SMIM36: variants seen among roughly 807,000 people sequenced by gnomAD.
SMIM36 encodes the protein small integral membrane protein 36.
intron 4 of SMIM36, among the ~76,000 whole-genome samples, chr17:55,465,694 A>C (rs945143549): frequency 2.0e-5 from 3 of 152,134 alleles, no homozygotes; most frequent in African/African-American, 4.8e-5. Flanking sequence ...GACCACAGTG[A>C]ATGTTCAAGC....
chr17:55,473,688 C>T (rs4793797), intron 3 of SMIM36, among the ~76,000 whole-genome samples: 34,151 of 152,048 alleles, frequency 0.22, 4,297 homozygotes, highest in Non-Finnish European at 0.28. Flanking sequence ...TACCTCTTGC[C>T]TTTCTCAAAA....
chr17:55,517,541 C>T, the SMIM36 span, among the ~76,000 whole-genome samples: 53 of 152,246 alleles, frequency 3.5e-4, no homozygotes, highest in East Asian at 8.5e-3. Flanking sequence ...TTAGCCTGGG[C>T]GACAGAGTGA....
At chr17:55,469,960 C>T (rs1047215830) in intron 3 of SMIM36, among the ~76,000 whole-genome samples, 11 of 149,828 alleles carry the variant, frequency 7.3e-5, no homozygotes, top group African/African-American at 2.5e-4. Flanking sequence ...CCAGCCTGGG[C>T]GACTGGAGTG....
intron 4 of SMIM36, among the ~76,000 whole-genome samples, chr17:55,452,006 G>T (rs1908927801): frequency 6.6e-6 from 1 of 151,298 alleles, no homozygotes; most frequent in East Asian, 1.9e-4. Context: ...AGGCTGAGGA[G>T]GGAGGATCAC....
At chr17:55,524,192 C>T in the SMIM36 span, among the ~76,000 whole-genome samples, 3 of 152,120 alleles carry the variant, frequency 2.0e-5, no homozygotes, top group African/African-American at 7.2e-5. Context: ...TCTGTTTCTG[C>T]GTTAGTTTGC....
intron 3 of SMIM36, among the ~76,000 whole-genome samples, chr17:55,470,169 C>G (rs182191464): frequency 6.6e-6 from 1 of 152,118 alleles, no homozygotes; most frequent in Non-Finnish European, 1.5e-5. Flanking sequence ...CACTGGAAAT[C>G]GGACTGTCCA....
At chr17:55,463,044 C>G (rs1255639199) in intron 4 of SMIM36, among the ~76,000 whole-genome samples, 2 of 152,044 alleles carry the variant, frequency 1.3e-5, no homozygotes. Flanking sequence ...GGTATTTTTT[C>G]TTTTCTAATT....
intron 1 of SMIM36, among the ~76,000 whole-genome samples, chr17:55,494,469 C>T (rs58220132): frequency 0.049 from 7,467 of 152,106 alleles, 276 homozygotes; most frequent in African/African-American, 0.095. Context: ...TAGACCAAAA[C>T]CTGGGGTTAG....
At chr17:55,523,902 T>C in the SMIM36 span, among the ~76,000 whole-genome samples, 2 of 151,998 alleles carry the variant, frequency 1.3e-5, no homozygotes, top group Non-Finnish European at 2.9e-5. Flanking sequence ...CCTAAGAAAG[T>C]TTTTCTTTTT....
chr17:55,495,308 A>G (rs1909789624), intron 1 of SMIM36, among the ~76,000 whole-genome samples: 1 of 152,170 alleles, frequency 6.6e-6, no homozygotes, highest in Admixed American at 6.5e-5. Context: ...AACTTGGGTA[A>G]TTTATTATTA....
chr17:55,508,437 T>TATATATAC (rs1910120553), intron 1 of SMIM36, among the ~76,000 whole-genome samples: 1 of 44,668 alleles, frequency 2.2e-5, no homozygotes, highest in Admixed American at 1.6e-4. Flanking sequence ...TAGGAATATA[T>TATATATAC]ATATATATAT....
chr17:55,461,921 C>A (rs1376276690), intron 4 of SMIM36, among the ~76,000 whole-genome samples: 1 of 152,132 alleles, frequency 6.6e-6, no homozygotes, highest in African/African-American at 2.4e-5. Context: ...AAGAAGGCTG[C>A]AAATGTAGGT....
upstream of SMIM36, among the ~76,000 whole-genome samples, chr17:55,514,617 A>G (rs1910236607): frequency 6.6e-6 from 1 of 152,190 alleles, no homozygotes; most frequent in African/African-American, 2.4e-5. Context: ...GTACATGCAT[A>G]ACTTATTCTA....
chr17:55,501,330 T>C lies in SMIM36; in HGVS notation c.*174+9549A>G, dbSNP rs528655103. Among the ~76,000 whole-genome samples the C allele has an allele frequency of 4.3e-4, 36 of 84,630 alleles. 2 individuals carry two copies. Among genetic ancestry groups the C allele is most frequent in the African/African-American group, 1.7e-3 (32 of 18,542 alleles). 55.5% of individuals were successfully genotyped at this position (84,630 alleles called of 152,430 possible). On this transcript the variant is annotated intron_variant, in intron 1 of 4. Coordinates refer to ENST00000636752, the Ensembl canonical transcript of SMIM36. ...ATGTTATATATTATATTTTATAATA[T>C]ATAATATATTATATATTATATTTTA...
At chr17:55,505,338 G>T (rs1211186455) in intron 1 of SMIM36, among the ~76,000 whole-genome samples, 5 of 71,968 alleles carry the variant, frequency 6.9e-5, no homozygotes, top group African/African-American at 6.0e-4. Context: ...TAAAATACTG[G>T]CAAACCGAAT....
upstream of SMIM36, among the ~76,000 whole-genome samples, chr17:55,514,912 A>G (rs1254076801): frequency 6.6e-6 from 1 of 152,164 alleles, no homozygotes; most frequent in Non-Finnish European, 1.5e-5. Flanking sequence ...TGCCTTAGAG[A>G]AGTGTCAACT....
intron 1 of SMIM36, among the ~76,000 whole-genome samples, chr17:55,508,781 C>T (rs1910129205): frequency 6.6e-6 from 1 of 151,314 alleles, no homozygotes; most frequent in African/African-American, 2.4e-5. Context: ...AAATTAGCTG[C>T]GTGTGGTGGC....
At chr17:55,469,450 G>A (rs1909303187) in intron 3 of SMIM36, among the ~76,000 whole-genome samples, 1 of 152,120 alleles carries the variant, frequency 6.6e-6, no homozygotes, top group South Asian at 2.1e-4. Flanking sequence ...CCTAGACCCA[G>A]AGGGGCCAGA....
chr17:55,458,389 T>G (rs1210031285), intron 4 of SMIM36: 1 of 152,118 alleles, frequency 6.6e-6, no homozygotes, highest in Non-Finnish European at 1.5e-5. Flanking sequence ...CCTGGTCTCT[T>G]TAAATAATAG....
Sources: gnomAD v4.1 joint callset for allele counts (sites outside exome capture counted in the v4.1 genomes callset) on GRCh38, gnomAD v4.1.1 for gene constraint, MANE v1.5 for transcripts, NCBI Gene and HGNC (gene_info 2026-07-23, HGNC 2026-07-21) for gene names.